IQSEC1: variants seen among roughly 807,000 people sequenced by gnomAD.
IQSEC1 encodes the protein IQ motif and Sec7 domain ArfGEF 1.
A neutral mutation model predicts 91.0 loss-of-function variants in IQSEC1; 31 were observed. That is an observed-to-expected ratio of 0.34 (90% confidence interval 0.26 to 0.46). The LOEUF is 0.46. IQSEC1 is among the 20% of genes least tolerant of loss of function. IQSEC1 has a pLI of 1.00. For synonymous variants in IQSEC1, 699 were observed against 662.6 expected (o/e 1.05, Z -0.84); for missense variants, 1,388 against 1,575.6 (o/e 0.88, Z 2.02).
chr3:13,231,023 A>G (rs936162192), intron 1 of IQSEC1, among the ~76,000 whole-genome samples: 6 of 152,200 alleles, frequency 3.9e-5, no homozygotes, highest in Non-Finnish European at 7.4e-5. Flanking sequence ...TAAACTTTTC[A>G]TAAAGTATTG....
At chr3:12,905,889 T>C (rs1243571476) in intron 12 of IQSEC1, among the ~76,000 whole-genome samples, 1 of 152,212 alleles carries the variant, frequency 6.6e-6, no homozygotes, top group Non-Finnish European at 1.5e-5. Context: ...TCCACAGTCC[T>C]TGCTGGGTCC....
intron 2 of IQSEC1, among the ~76,000 whole-genome samples, chr3:13,128,093 A>T (rs1706548233): frequency 6.6e-6 from 1 of 152,098 alleles, no homozygotes; most frequent in Admixed American, 6.5e-5. Context: ...TTCATTGTAG[A>T]TAATTGTGTT....
chr3:12,915,763 G>T (rs748643056), intron 6 of IQSEC1, 30 bp from the exon 7 acceptor site: 2 of 1,610,414 alleles, frequency 1.2e-6, no homozygotes, highest in Non-Finnish European at 1.7e-6. Context: ...GGATATCAGG[G>T]TGGGCCCCAG....
At chr3:13,017,936 G>A (rs360845) in intron 1 of IQSEC1, among the ~76,000 whole-genome samples, 72,125 of 151,932 alleles carry the variant, frequency 0.47, 18,864 homozygotes, top group African/African-American at 0.69. Context: ...TAGACAGCAC[G>A]AGCCAGGGTG....
At chr3:12,916,014 C>G (rs576381606) in intron 6 of IQSEC1, among the ~76,000 whole-genome samples, 1 of 152,340 alleles carries the variant, frequency 6.6e-6, no homozygotes, top group East Asian at 1.9e-4. Flanking sequence ...TGCTACCCTG[C>G]TCCATGCTAA....
chr3:13,057,755 C>T (rs1704928689), intron 1 of IQSEC1, among the ~76,000 whole-genome samples: 1 of 152,234 alleles, frequency 6.6e-6, no homozygotes, highest in South Asian at 2.1e-4. Flanking sequence ...CAATGCTCCT[C>T]CATCCTGCCA....
At chr3:13,156,334 T>C (rs1441247000) in intron 2 of IQSEC1, among the ~76,000 whole-genome samples, 1 of 152,084 alleles carries the variant, frequency 6.6e-6, no homozygotes, top group Non-Finnish European at 1.5e-5. Context: ...ATACAAAAAA[T>C]CCACAGCTAA....
rs1328265359 is a variant in IQSEC1, at chr3:12,898,521, G to C, written c.*2462C>G. ...GCAGCCCGAGGCTGTGGAGCTTGCA[G>C]GATGGCGATGGAGAGGGAGAGTTTC... On this transcript the variant is annotated 3_prime_UTR_variant, in exon 14 of 14. Coordinates refer to ENST00000613206, the MANE Select transcript of IQSEC1 (RefSeq NM_001134382.3). The C allele has an allele frequency of 6.6e-6, 1 of 152,218 alleles. No individual in the cohort carries two copies. The highest frequency in any genetic ancestry group is 1.5e-5 in the Non-Finnish European group (1 of 68,070). 9.4% of individuals were successfully genotyped at this position (152,218 alleles called of 1,614,324 possible).
intron 1 of IQSEC1, among the ~76,000 whole-genome samples, chr3:13,231,742 C>T (rs1435450073): frequency 6.6e-6 from 1 of 152,246 alleles, no homozygotes; most frequent in Admixed American, 6.5e-5. Flanking sequence ...TGCCAAGACC[C>T]TAACTCTGAT....
chr3:13,140,077 C>A (rs1005621138), intron 2 of IQSEC1, among the ~76,000 whole-genome samples: 13 of 152,210 alleles, frequency 8.5e-5, no homozygotes, highest in African/African-American at 2.7e-4. Context: ...CCACTCCAAC[C>A]CACCTCACCC....
intron 1 of IQSEC1, 76 bp from the exon 2 acceptor site, chr3:12,941,941 C>A: frequency 7.4e-7 from 1 of 1,344,722 alleles, no homozygotes; most frequent in Non-Finnish European, 1.0e-6. Context: ...GGGGCGTGAC[C>A]CCACCATGCT....
At chr3:12,904,450 G>C (rs747668749) in intron 12 of IQSEC1, among the ~76,000 whole-genome samples, 1 of 152,232 alleles carries the variant, frequency 6.6e-6, no homozygotes, top group Non-Finnish European at 1.5e-5. Context: ...ATTCTCAGCC[G>C]GAAGTAAGAG....
intron 1 of IQSEC1, among the ~76,000 whole-genome samples, chr3:13,020,384 C>T (rs1032505296): frequency 6.6e-6 from 1 of 152,228 alleles, no homozygotes; most frequent in East Asian, 1.9e-4. Flanking sequence ...TGCCCTGCTC[C>T]CTCAAACCTG....
intron 1 of IQSEC1, among the ~76,000 whole-genome samples, chr3:13,277,411 C>T (rs1178572297): frequency 2.6e-5 from 4 of 152,200 alleles, no homozygotes; most frequent in African/African-American, 7.2e-5. Flanking sequence ...CAGTGCCACT[C>T]GCTGTCTTCC....
intron 3 of IQSEC1, among the ~76,000 whole-genome samples, chr3:12,931,986 C>T (rs151093750): frequency 5.9e-5 from 9 of 152,304 alleles, no homozygotes; most frequent in East Asian, 5.8e-4. Context: ...TGAGGGTGCC[C>T]GTGTCATCAT....
intron 3 of IQSEC1, among the ~76,000 whole-genome samples, chr3:12,931,514 G>A (rs1697673827): frequency 6.6e-6 from 1 of 152,230 alleles, no homozygotes; most frequent in African/African-American, 2.4e-5. Flanking sequence ...CCTGGCGCTT[G>A]GTCCAGGCTC....
intron 1 of IQSEC1, among the ~76,000 whole-genome samples, chr3:12,951,407 AGT>A (rs1336695899): frequency 6.6e-6 from 1 of 151,830 alleles, no homozygotes; most frequent in Non-Finnish European, 1.5e-5. Context: ...TGAAACTCGG[AGT>A]GTACTCCAGC....
At chr3:12,984,855 C>A (rs1281759972) in intron 1 of IQSEC1, among the ~76,000 whole-genome samples, 1 of 116,834 alleles carries the variant, frequency 8.6e-6, no homozygotes, top group Non-Finnish European at 1.6e-5. Flanking sequence ...GACGGAGTCT[C>A]ACTCTTTCGC....
At chr3:13,105,847 C>A (rs1485746877) in intron 2 of IQSEC1, among the ~76,000 whole-genome samples, 1 of 152,184 alleles carries the variant, frequency 6.6e-6, no homozygotes, top group African/African-American at 2.4e-5. Context: ...AGCCTCCACC[C>A]CTAAGGGATG....
Sources: gnomAD v4.1 joint callset for allele counts (sites outside exome capture counted in the v4.1 genomes callset) on GRCh38, gnomAD v4.1.1 for gene constraint, MANE v1.5 for transcripts, NCBI Gene and HGNC (gene_info 2026-07-23, HGNC 2026-07-21) for gene names.